The following ATP8A1 variants were observed in gnomAD, a reference collection of about 807,000 sequenced individuals.
ATP8A1 encodes ATPase phospholipid transporting 8A1.
Under a neutral mutation model 177.7 loss-of-function variants are expected in ATP8A1, and 90 were observed. The observed-to-expected ratio is 0.51, with a 90% CI of 0.43 to 0.60. The LOEUF (loss-of-function observed/expected upper bound fraction) is 0.60. Ranked by LOEUF, ATP8A1 falls within the 20% of genes least tolerant of loss-of-function variation. The pLI is 0.00. For synonymous variants in ATP8A1, 493 were observed against 485.9 expected, an observed-to-expected ratio of 1.01 and a Z score of -0.19; for missense variants, 1,072 against 1,392.8, an observed-to-expected ratio of 0.77 and a Z score of 3.67.
chr4:42,447,681 C>T (rs1379135815), intron 30 of ATP8A1, among the ~76,000 whole-genome samples: 2 of 152,094 alleles, frequency 1.3e-5, no homozygotes, highest in African/African-American at 4.8e-5. Flanking sequence ...TATGTAAGGG[C>T]AAACTGTATT....
chr4:42,572,109 T>A (rs1158672764), intron 14 of ATP8A1, among the ~76,000 whole-genome samples: 2 of 152,204 alleles, frequency 1.3e-5, no homozygotes, highest in African/African-American at 4.8e-5. Flanking sequence ...TCTGCACTTG[T>A]AACACCAAAG....
chr4:42,645,099 A>G (rs1233199992), intron 1 of ATP8A1, among the ~76,000 whole-genome samples: 1 of 152,238 alleles, frequency 6.6e-6, no homozygotes, highest in Non-Finnish European at 1.5e-5. Context: ...CAGAGTAGAT[A>G]TAACACCAGC....
chr4:42,471,066 C>G (rs981039226), intron 25 of ATP8A1, among the ~76,000 whole-genome samples: 1 of 150,464 alleles, frequency 6.6e-6, no homozygotes, highest in Non-Finnish European at 1.5e-5. Flanking sequence ...TAAGATACAG[C>G]AAAAAAAAAC....
intron 15 of ATP8A1, chr4:42,556,306 C>A: frequency 3.6e-6 from 1 of 277,582 alleles, no homozygotes. Flanking sequence ...AATTATATCG[C>A]AGCCACATAA....
intron 16 of ATP8A1, among the ~76,000 whole-genome samples, chr4:42,552,851 C>T (rs773525162): frequency 2.4e-4 from 36 of 152,154 alleles, no homozygotes; most frequent in Admixed American, 3.3e-4. Context: ...TGGTGGCAGG[C>T]GCCTGTAATG....
intron 19 of ATP8A1, among the ~76,000 whole-genome samples, chr4:42,548,530 T>G (rs1729160038): frequency 6.6e-6 from 1 of 152,238 alleles, no homozygotes; most frequent in Admixed American, 6.5e-5. Context: ...TCTTGATTAT[T>G]TAATACTTGT....
At chr4:42,507,487 G>C (rs1398390899) in intron 22 of ATP8A1, among the ~76,000 whole-genome samples, 2 of 151,918 alleles carry the variant, frequency 1.3e-5, no homozygotes, top group African/African-American at 4.8e-5. Flanking sequence ...CAGCACTTTG[G>C]GAGGCCAAGG....
At chr4:42,447,635 A>T (rs1285521772) in intron 30 of ATP8A1, among the ~76,000 whole-genome samples, 3 of 152,248 alleles carry the variant, frequency 2.0e-5, no homozygotes, top group Non-Finnish European at 2.9e-5. Flanking sequence ...TAATACAGTG[A>T]TGCATGCACA....
At chr4:42,619,623 T>C (rs900725078) in intron 4 of ATP8A1, among the ~76,000 whole-genome samples, 5 of 150,982 alleles carry the variant, frequency 3.3e-5, no homozygotes, top group Admixed American at 6.6e-5. Flanking sequence ...CATATATATA[T>C]ATATATTTTA....
At chr4:42,452,891 T>G (rs1192931856) in intron 29 of ATP8A1, among the ~76,000 whole-genome samples, 4 of 152,244 alleles carry the variant, frequency 2.6e-5, no homozygotes, top group Admixed American at 6.5e-5. Flanking sequence ...TTTTAAGCTG[T>G]TCAAACAACA....
At chr4:42,603,457 T>C (rs1318009209) in intron 5 of ATP8A1, among the ~76,000 whole-genome samples, 2 of 152,158 alleles carry the variant, frequency 1.3e-5, no homozygotes, top group African/African-American at 4.8e-5. Context: ...TTGGGTATGG[T>C]TTTTTTAACT....
intron 1 of ATP8A1, among the ~76,000 whole-genome samples, chr4:42,645,919 T>A: frequency 1.3e-5 from 2 of 150,114 alleles, no homozygotes; most frequent in Admixed American, 6.6e-5. Context: ...AGACAGAACA[T>A]GGCCTAGGTT....
intron 33 of ATP8A1, among the ~76,000 whole-genome samples, chr4:42,428,450 T>C (rs1714878852): frequency 6.6e-6 from 1 of 152,256 alleles, no homozygotes; most frequent in Non-Finnish European, 1.5e-5. Context: ...ATTGGCTTTT[T>C]ACCCTGTGTC....
chr4:42,592,236 G>A (rs1332486797), intron 6 of ATP8A1, among the ~76,000 whole-genome samples: 1 of 152,032 alleles, frequency 6.6e-6, no homozygotes, highest in Non-Finnish European at 1.5e-5. Flanking sequence ...TAATCGCTGT[G>A]GAGACCATAT....
At chr4:42,490,009 T>G (rs1722586288) in intron 24 of ATP8A1, among the ~76,000 whole-genome samples, 1 of 152,154 alleles carries the variant, frequency 6.6e-6, no homozygotes, top group African/African-American at 2.4e-5. Context: ...ATCAGAGACA[T>G]TGCAAGGTAA....
intron 5 of ATP8A1, among the ~76,000 whole-genome samples, chr4:42,611,155 C>T (rs1736327212): frequency 6.6e-6 from 1 of 152,184 alleles, no homozygotes; most frequent in South Asian, 2.1e-4. Flanking sequence ...AGATAAGCAA[C>T]TATGCGCCCT....
In ATP8A1 at chr4:42,524,828, C is replaced by A. The variant is rs368857238; in HGVS notation, c.1742G>T (p.Arg581Leu). 26 of 1,607,948 alleles carry A rather than the reference C, an allele frequency of 1.6e-5. No homozygotes were observed. Among genetic ancestry groups the A allele is most frequent in the Non-Finnish European group, 2.2e-5 (26 of 1,177,304 alleles). The change falls in exon 21 of 37, where the codon CGA becomes CTA. Residue 581 changes from arginine (R) to leucine (L), a missense_variant. Coordinates refer to ENST00000381668, the MANE Select transcript of ATP8A1 (RefSeq NM_006095.2). ...TTTGTATTTTGACGTCTCTGCCAGTCGATCATAAATTACAGTGTCCTGGAA... is the reference window on the plus strand; with the variant it reads ...TTTGTATTTTGACGTCTCTGCCAGTAGATCATAAATTACAGTGTCCTGGAA... ...CKGADTVIYD[R>L]LAETSKYKEI...
chr4:42,420,767 A>ACT lies in ATP8A1; in HGVS notation c.3305+2038_3305+2039dup, dbSNP rs200862493. Among the ~76,000 whole-genome samples, 517 of 82,130 alleles carry ACT rather than the reference A, an allele frequency of 6.3e-3. 8 individuals carry two copies. Among genetic ancestry groups the ACT allele is most frequent in the Middle Eastern group, 0.05 (7 of 140 alleles). 53.9% of individuals were successfully genotyped at this position (82,130 alleles called of 152,430 possible). A position where few individuals can be genotyped will look rare whatever the true frequency, so the allele number is the denominator to read the frequency against. ...TTTATTCACAATTTCATGAGCTAGA[A>ACT]CTCTTTTTTTTTTTTTTTTGAGACA... On this transcript the variant is annotated intron_variant, in intron 35 of 36. Transcript: ENST00000381668.
intron 17 of ATP8A1, 119 bp downstream of exon 17, chr4:42,552,386 G>T (rs1352425322): frequency 4.0e-6 from 3 of 753,044 alleles, no homozygotes; most frequent in Non-Finnish European, 6.4e-6. Flanking sequence ...TTTCTAATTG[G>T]TAAATAAAAA....
Sources: gnomAD v4.1 joint callset for allele counts (sites outside exome capture counted in the v4.1 genomes callset) on GRCh38, gnomAD v4.1.1 for gene constraint, MANE v1.5 for transcripts, NCBI Gene and HGNC (gene_info 2026-07-23, HGNC 2026-07-21) for gene names.